Variants in IKZF3 observed in about 807,000 individuals in gnomAD.
IKZF3 encodes zinc finger protein Aiolos.
In IKZF3, 10 loss-of-function variants were observed where a neutral mutation model predicts 49.0. The observed-to-expected ratio is 0.20, with a 90% CI of 0.13 to 0.35. IKZF3 has a LOEUF of 0.35. Among genes scored for constraint, IKZF3 ranks in the 10% least tolerant of loss-of-function variants. IKZF3 has a pLI of 1.00. For synonymous variants in IKZF3, 209 were observed against 228.2 expected, an observed-to-expected ratio of 0.92 and a Z score of 0.76; for missense variants, 498 against 664.8, an observed-to-expected ratio of 0.75 and a Z score of 2.76.
At chr17:39,839,882 A>G (rs2062415302) in intron 1 of IKZF3, among the ~76,000 whole-genome samples, 2 of 151,950 alleles carry the variant, frequency 1.3e-5, no homozygotes. Context: ...CTGGTCTCAA[A>G]CTCCTGGCCT....
At chr17:39,839,155 T>C (rs936826052) in intron 1 of IKZF3, among the ~76,000 whole-genome samples, 2 of 152,058 alleles carry the variant, frequency 1.3e-5, no homozygotes, top group African/African-American at 2.4e-5. Flanking sequence ...TTTTCTTCTT[T>C]TTTTTTTTCG....
intron 3 of IKZF3, among the ~76,000 whole-genome samples, chr17:39,807,544 AT>A (rs890371023): frequency 3.7e-3 from 301 of 80,766 alleles, no homozygotes; most frequent in South Asian, 0.014. Context: ...GACTATTTAA[AT>A]TTTTTTTTTT....
intron 7 of IKZF3, among the ~76,000 whole-genome samples, chr17:39,766,735 G>C (rs1202654641): frequency 1.3e-5 from 2 of 152,090 alleles, no homozygotes; most frequent in Non-Finnish European, 2.9e-5. Context: ...GTTCAGTTGA[G>C]GCCACATGGT....
At chr17:39,771,003 TATC>T (rs1234067289) in intron 7 of IKZF3, among the ~76,000 whole-genome samples, 1 of 152,156 alleles carries the variant, frequency 6.6e-6, no homozygotes, top group Non-Finnish European at 1.5e-5. Flanking sequence ...AGGTATGAAT[TATC>T]ATCTCTTAGA....
At chr17:39,841,036 G>A (rs1568048545) in intron 1 of IKZF3, among the ~76,000 whole-genome samples, 1 of 152,128 alleles carries the variant, frequency 6.6e-6, no homozygotes, top group African/African-American at 2.4e-5. Context: ...AATTAGCCAG[G>A]CATGTTGGCA....
At chr17:39,786,852 C>T (rs867310533) in intron 6 of IKZF3, among the ~76,000 whole-genome samples, 1 of 152,078 alleles carries the variant, frequency 6.6e-6, no homozygotes, top group East Asian at 1.9e-4. Flanking sequence ...AGAAATCCAA[C>T]TCCTTGATAA....
At chr17:39,804,827 CT>C (rs553548111) in intron 3 of IKZF3, among the ~76,000 whole-genome samples, 20 of 152,252 alleles carry the variant, frequency 1.3e-4, no homozygotes, top group African/African-American at 4.8e-4. Flanking sequence ...CTGTTTATTC[CT>C]CTTTCTCTAT....
rs1280283290 is a variant in IKZF3 at position 39,765,567 on chromosome 17, C to T, written c.*223G>A. 2.1e-6 allele frequency: 1 copy of T among 476,474 alleles called. No individual in the cohort carries two copies. The highest frequency in any genetic ancestry group is 3.7e-6 in the Non-Finnish European group (1 of 269,218). 29.5% of individuals were successfully genotyped at this position (476,474 alleles called of 1,614,324 possible). On this transcript the variant is annotated 3_prime_UTR_variant, in exon 8 of 8. Transcript: ENST00000346872. ...TTTTAAATTCCATAAAATTCAAGTC[C>T]CTGATGGGAAAACAAAGGTTTCACA...
intron 1 of IKZF3, among the ~76,000 whole-genome samples, chr17:39,857,299 T>A (rs551354176): frequency 3.8e-4 from 58 of 152,222 alleles, no homozygotes; most frequent in Admixed American, 1.2e-3. Flanking sequence ...CACAAACTCC[T>A]AGAGGAAATT....
intron 7 of IKZF3, 75 bp downstream of exon 7, chr17:39,777,576 T>C: frequency 1.0e-6 from 1 of 998,774 alleles, no homozygotes; most frequent in Admixed American, 2.0e-5. Flanking sequence ...GGAAAGGCCT[T>C]GTGTAGCAAG....
intron 3 of IKZF3, among the ~76,000 whole-genome samples, chr17:39,811,082 A>T (rs971703922): frequency 6.6e-6 from 1 of 151,956 alleles, no homozygotes; most frequent in African/African-American, 2.4e-5. Flanking sequence ...ACAAAAAGTT[A>T]AAAAATTAGC....
rs1411646245 is a variant in IKZF3 at position 39,766,356 on chromosome 17, G to T, written c.964C>A (p.Pro322Thr). 6.2e-7 allele frequency: 1 copy of T among 1,614,210 alleles called. No homozygotes were observed. The highest frequency in any genetic ancestry group is 1.3e-5 in the African/African-American group (1 of 75,050). ...ISYLGAEALRPLVQTPPAPTS... is the reference protein window; with the variant it reads ...ISYLGAEALRTLVQTPPAPTS... ...GGAGCAGGCGGTGTCTGGACCAAGG[G>T]GCGCAGGGCTTCGGCGCCAAGATAG... The change falls in exon 8 of 8, where the codon CCC (proline) becomes ACC (threonine). Residue 322 changes from proline to threonine, a missense_variant. Physicochemically the swap from Pro to Thr is conservative, Grantham distance 38 (BLOSUM62 -1). This residue lies in a region of IKZF3 where 317 missense variants were observed against 397.3 expected (regional missense o/e 0.80). Coordinates refer to ENST00000346872, the MANE Select transcript of IKZF3 (RefSeq NM_012481.5).
Position 39,762,633 on chromosome 17 carries a change from T to G in IKZF3, c.*3157A>C, listed in dbSNP as rs1341549513. The G allele has an allele frequency of 6.6e-6, 1 of 152,326 alleles. No individual in the cohort carries two copies. Among genetic ancestry groups the G allele is most frequent in the Non-Finnish European group, 1.5e-5 (1 of 68,132 alleles). The allele number at this position is 152,326 out of a possible 1,614,324, so 9.4% of individuals were successfully genotyped here. A position where few individuals can be genotyped will look rare whatever the true frequency, so the allele number is the denominator to read the frequency against. ...TGGGTGCGGTAGCTCATGCCTGTAA[T>G]CCCAGCACTGTGGGAGGCCAAGGCG... is the stretch of plus-strand genomic sequence containing the variant. On this transcript the variant is annotated 3_prime_UTR_variant, in exon 8 of 8. Coordinates refer to ENST00000346872, the MANE Select transcript of IKZF3 (RefSeq NM_012481.5).
In IKZF3 at chr17:39,760,693, G is replaced by A. The variant is rs2060163709; in HGVS notation, c.*5097C>T. On this transcript the variant is annotated 3_prime_UTR_variant, in exon 8 of 8. Coordinates refer to ENST00000346872, the MANE Select transcript of IKZF3 (RefSeq NM_012481.5). ...GGTGGGGGTGGTACAGGAAATAGGA[G>A]AATAATAGTGATACAGATGCTACCT... 1.3e-5 allele frequency: 2 copies of A among 152,198 alleles called. No individual in the cohort carries two copies. The highest frequency in any genetic ancestry group is 2.9e-5 in the Non-Finnish European group (2 of 68,050). 9.4% of individuals were successfully genotyped at this position (152,198 alleles called of 1,614,324 possible).
chr17:39,842,341 C>T (rs766828185), intron 1 of IKZF3, among the ~76,000 whole-genome samples: 3 of 152,120 alleles, frequency 2.0e-5, no homozygotes, highest in Non-Finnish European at 2.9e-5. Flanking sequence ...CAAGACTGGC[C>T]AACATGGCGA....
At chr17:39,768,028 G>A (rs2060336928) in intron 7 of IKZF3, among the ~76,000 whole-genome samples, 1 of 152,122 alleles carries the variant, frequency 6.6e-6, no homozygotes, top group South Asian at 2.1e-4. Context: ...CTCCAGCCTG[G>A]GTGGCAGAGT....
rs1424300111 is a variant in IKZF3, at chr17:39,837,258, A to T, written c.8-5107T>A. ...CCTGGTGCTTTTCATTTTTTCATAA[A>T]GATTTGAGTTCTGATCTGGTATCAC... On this transcript the variant is annotated intron_variant, in intron 1 of 7. Coordinates refer to ENST00000346872, the MANE Select transcript of IKZF3 (RefSeq NM_012481.5). Among the ~76,000 whole-genome samples, 14 of 152,124 alleles carry T rather than the reference A, an allele frequency of 9.2e-5. No homozygotes were observed. The East Asian group carries it at 9.6e-4, about 10-fold the overall frequency.
intron 1 of IKZF3, among the ~76,000 whole-genome samples, chr17:39,842,122 G>A (rs375911729): frequency 1.3e-5 from 2 of 149,146 alleles, no homozygotes; most frequent in African/African-American, 2.5e-5. Flanking sequence ...CCCTTTCCCC[G>A]TTCACTGAGA....
intron 3 of IKZF3, among the ~76,000 whole-genome samples, chr17:39,795,399 AT>A (rs930301899): frequency 3.3e-5 from 5 of 151,994 alleles, no homozygotes; most frequent in African/African-American, 1.2e-4. Flanking sequence ...TTAGCAACTT[AT>A]TTTTATTTTA....
Sources: gnomAD v4.1 joint callset for allele counts (sites outside exome capture counted in the v4.1 genomes callset) on GRCh38, gnomAD v4.1.1 for gene constraint, gnomAD v4.1.1 regional missense constraint, MANE v1.5 for transcripts, NCBI Gene and HGNC (gene_info 2026-07-23, HGNC 2026-07-21) for gene names.